TJP1: variants seen among roughly 807,000 people sequenced by gnomAD.
The protein encoded by TJP1 is tight junction protein ZO-1.
Under a neutral mutation model 194.2 loss-of-function variants are expected in TJP1, and 43 were observed. That is an observed-to-expected ratio of 0.22 (90% CI 0.17 to 0.29). The LOEUF (loss-of-function observed/expected upper bound fraction) is 0.29. Ranked by LOEUF, TJP1 falls within the 10% of genes least tolerant of loss-of-function variation. The pLI, the probability that TJP1 is intolerant of heterozygous loss-of-function variation, is 1.00. For synonymous variants in TJP1, 801 were observed against 779.0 expected (o/e 1.03, Z -0.47); for missense variants, 1,971 against 2,185.7 (o/e 0.90, Z 1.96).
intron 1 of TJP1, among the ~76,000 whole-genome samples, chr15:29,967,417 T>C (rs2056371678): frequency 6.6e-6 from 1 of 151,998 alleles, no homozygotes; most frequent in African/African-American, 2.4e-5. Flanking sequence ...TAACATTTAC[T>C]AAGCACCTAT....
intron 2 of TJP1, among the ~76,000 whole-genome samples, chr15:29,952,729 T>C (rs1164682979): frequency 1.3e-5 from 2 of 152,198 alleles, no homozygotes; most frequent in Non-Finnish European, 2.9e-5. Context: ...ATTAACTAAG[T>C]CTAAGCTTTC....
At chr15:29,788,764 C>T (rs909162014) in intron 2 of TJP1, among the ~76,000 whole-genome samples, 7 of 152,106 alleles carry the variant, frequency 4.6e-5, no homozygotes, top group Non-Finnish European at 7.3e-5. Context: ...AGCAGAGTAA[C>T]GACGAGCAAC....
intron 7 of TJP1, 37 bp downstream of exon 7, chr15:29,761,564 T>G: frequency 1.9e-6 from 3 of 1,555,650 alleles, no homozygotes; most frequent in Non-Finnish European, 2.6e-6. Context: ...AGAAAATAGG[T>G]CACTTAGAGG....
At chr15:29,880,076 T>C (rs1596170409) in intron 2 of TJP1, among the ~76,000 whole-genome samples, 1 of 152,354 alleles carries the variant, frequency 6.6e-6, no homozygotes, top group Non-Finnish European at 1.5e-5. Context: ...GCTTTTACTA[T>C]ATAATATTTA....
chr15:29,761,044 G>T (rs2045968699), intron 8 of TJP1, 95 bp downstream of exon 8: 4 of 1,368,528 alleles, frequency 2.9e-6, no homozygotes, highest in African/African-American at 1.5e-5. Flanking sequence ...ATAATCAAAA[G>T]AAATACATCT....
intron 2 of TJP1, among the ~76,000 whole-genome samples, chr15:29,924,761 T>G (rs552765622): frequency 6.6e-6 from 1 of 151,830 alleles, no homozygotes; most frequent in Non-Finnish European, 1.5e-5. Flanking sequence ...GCCATGAGAT[T>G]CAACTTGGTT....
At chr15:29,855,689 C>G (rs920863664) in intron 2 of TJP1, among the ~76,000 whole-genome samples, 3 of 152,166 alleles carry the variant, frequency 2.0e-5, no homozygotes, top group African/African-American at 7.2e-5. Context: ...AACCCCGTCT[C>G]TACTAAAAAT....
At chr15:29,733,410 T>C in intron 12 of TJP1, 97 bp from the exon 13 acceptor site, 1 of 848,598 alleles carries the variant, frequency 1.2e-6, no homozygotes, top group Non-Finnish European at 1.8e-6. Context: ...ATATCAATAA[T>C]AATATCCAAC....
chr15:29,955,658 G>C (rs554177124), intron 2 of TJP1, among the ~76,000 whole-genome samples: 1 of 149,672 alleles, frequency 6.7e-6, no homozygotes, highest in African/African-American at 2.5e-5. Context: ...GGCTGATGTG[G>C]GAGGATCACA....
chr15:29,772,655 G>T (rs373448727), intron 3 of TJP1, among the ~76,000 whole-genome samples: 1 of 152,146 alleles, frequency 6.6e-6, no homozygotes, highest in Non-Finnish European at 1.5e-5. Context: ...GCTTCTGAAG[G>T]CTAGATTCTA....
chr15:29,947,439 T>C (rs1330392454), intron 2 of TJP1, among the ~76,000 whole-genome samples: 1 of 152,180 alleles, frequency 6.6e-6, no homozygotes, highest in African/African-American at 2.4e-5. Context: ...TATTTATGAG[T>C]TGGCTTCTAC....
At chr15:29,832,621 T>C (rs986837636) in intron 2 of TJP1, among the ~76,000 whole-genome samples, 17 of 152,186 alleles carry the variant, frequency 1.1e-4, no homozygotes, top group Non-Finnish European at 2.2e-4. Context: ...TCCATGTCAC[T>C]AGAAAATGGT....
chr15:29,943,878 G>A (rs1334798754), intron 2 of TJP1, among the ~76,000 whole-genome samples: 2 of 151,588 alleles, frequency 1.3e-5, no homozygotes, highest in East Asian at 4.0e-4. Flanking sequence ...AACCCAGCAG[G>A]CAGAGGTTGC....
chr15:29,891,253 T>C (rs758386610), intron 2 of TJP1, among the ~76,000 whole-genome samples: 7 of 152,210 alleles, frequency 4.6e-5, no homozygotes, highest in African/African-American at 7.2e-5. Context: ...GGTGCCATCA[T>C]AGGAAAATCC....
At chr15:29,944,100 T>A (rs1267493509) in intron 2 of TJP1, among the ~76,000 whole-genome samples, 4 of 151,620 alleles carry the variant, frequency 2.6e-5, no homozygotes, top group African/African-American at 7.3e-5. Context: ...TTATTTATTT[T>A]ATTTATTTTT....
chr15:29,932,459 T>C (rs12900094), intron 2 of TJP1, among the ~76,000 whole-genome samples: 48,009 of 151,684 alleles, frequency 0.32, 8,871 homozygotes, highest in East Asian at 0.54. Flanking sequence ...CTCTACTTCT[T>C]GCCACATCCA....
At position 29,720,428 on chromosome 15, in the gene TJP1, T is replaced by G; in HGVS notation, c.2693A>C (p.Tyr898Ser). 6.2e-7 allele frequency: 1 copy of G among 1,613,818 alleles called. No homozygotes were observed. Among genetic ancestry groups the G allele is most frequent in the Non-Finnish European group, 8.5e-7 (1 of 1,179,906 alleles). ...TGGTTGTGGCTGCGCTTGTGGTGAG[T>G]AAGGAGGATATGTTTGGTTTTCATG... Reference protein sequence around the residue: ...MHHENQTYPPYSPQAQPQPIH... With the variant: ...MHHENQTYPPSSPQAQPQPIH... The change falls in exon 19 of 28, where the codon TAC (tyrosine) becomes TCC (serine). Residue 898 changes from tyrosine to serine, a missense_variant. Tyr to Ser is a moderately radical substitution (Grantham distance 144, BLOSUM62 -2). This residue lies in a region of TJP1 where 1,108 missense variants were observed against 1,128.5 expected (regional missense o/e 0.98). Transcript: ENST00000614355.
chr15:29,734,356 G>A lies in TJP1; in HGVS notation c.1434C>T (p.Ile478=), dbSNP rs367703610. 3.3e-5 allele frequency: 54 copies of A among 1,612,600 alleles called. No individual in the cohort carries two copies. In the African/African-American group the frequency reaches 4.9e-4, roughly 15 times the overall value. ...GGAAAAGGACGGCTTCTTCTCTTATGATATTTGTAAAATCTACGTTGTTTA... is the reference window on the plus strand; with the variant it reads ...GGAAAAGGACGGCTTCTTCTCTTATAATATTTGTAAAATCTACGTTGTTTA... ...LRVNNVDFTN[I]IREEAVLFLL... Residue 478 remains isoleucine, a synonymous_variant, in exon 12 of 28, where the codon ATC becomes ATT. Transcript: ENST00000614355.
intron 2 of TJP1, among the ~76,000 whole-genome samples, chr15:29,878,751 T>C (rs1451705699): frequency 1.3e-5 from 2 of 152,176 alleles, no homozygotes; most frequent in Non-Finnish European, 1.5e-5. Flanking sequence ...CCATTCTTCC[T>C]GGACTGTCAG....
Sources: allele counts gnomAD v4.1 joint callset (sites outside exome capture counted in the v4.1 genomes callset), GRCh38; gene constraint gnomAD v4.1.1; regional missense constraint gnomAD v4.1.1; transcripts MANE v1.5; gene names NCBI Gene and HGNC (gene_info 2026-07-23, HGNC 2026-07-21).